CYREN: variants seen among roughly 807,000 people sequenced by gnomAD.
CYREN encodes the protein cell cycle regulator of NHEJ.
A neutral mutation model predicts 9.7 loss-of-function variants in CYREN; 7 were observed. That is an observed-to-expected ratio of 0.72 (90% confidence interval 0.41 to 1.36). The LOEUF is 1.36. Among genes scored for constraint, CYREN ranks in the 40% most tolerant of loss-of-function variants. The pLI is 0.01. For missense variants in CYREN, 215 were observed against 198.1 expected (o/e 1.09, Z -0.51); for synonymous variants, 76 against 77.9 (o/e 0.98, Z 0.13).
chr7:135,156,400 T>A (rs181749701), intron 2 of CYREN, among the ~76,000 whole-genome samples: 1 of 152,272 alleles, frequency 6.6e-6, no homozygotes, highest in African/African-American at 2.4e-5. Flanking sequence ...TCATTCTTTT[T>A]TATCCTTTTT....
At chr7:135,116,206 G>A (rs1563282414) in intron 2 of CYREN, among the ~76,000 whole-genome samples, 1 of 152,082 alleles carries the variant, frequency 6.6e-6, no homozygotes, top group Non-Finnish European at 1.5e-5. Context: ...TTTTACACAT[G>A]AGAAAACTGA....
At chr7:135,169,136 G>A (rs11761021) in intron 1 of CYREN, 76 bp from the exon 2 acceptor site, 136,457 of 470,402 alleles carry the variant, frequency 0.29, 21,373 homozygotes, top group South Asian at 0.47. Context: ...GTGCAGGGCA[G>A]GCCAGAAGTG....
chr7:135,126,376 A>G (rs1177682452), intron 2 of CYREN, among the ~76,000 whole-genome samples: 2 of 151,998 alleles, frequency 1.3e-5, no homozygotes, highest in African/African-American at 4.8e-5. Flanking sequence ...CAGACCACCA[A>G]GGAAACAAGA....
At chr7:135,102,931 C>A (rs1824071870) in intron 2 of CYREN, among the ~76,000 whole-genome samples, 2 of 152,144 alleles carry the variant, frequency 1.3e-5, no homozygotes, top group African/African-American at 4.8e-5. Context: ...AAATGAACTT[C>A]ATCAAAATCA....
At chr7:135,148,807 G>C (rs1585339657) in intron 2 of CYREN, among the ~76,000 whole-genome samples, 1 of 152,180 alleles carries the variant, frequency 6.6e-6, no homozygotes, top group East Asian at 1.9e-4. Context: ...TCTTATGTTA[G>C]TCATTAGACC....
chr7:135,092,632 G>A (rs1239158449), exon 3 of CYREN: 1 of 152,146 alleles, frequency 6.6e-6, no homozygotes, highest in Non-Finnish European at 1.5e-5. Context: ...TACTTATTGT[G>A]TTATGGGGTT....
chr7:135,161,656 G>A (rs1398291812), downstream of CYREN, among the ~76,000 whole-genome samples: 1 of 152,170 alleles, frequency 6.6e-6, no homozygotes, highest in Non-Finnish European at 1.5e-5. The surrounding 1 kb of genome is among the most constrained non-coding windows in gnomAD (Gnocchi z 4.1). Context: ...TATCATCCCA[G>A]ACTAATGCCA....
At chr7:135,138,365 A>G (rs1829392453) in intron 2 of CYREN, among the ~76,000 whole-genome samples, 1 of 152,066 alleles carries the variant, frequency 6.6e-6, no homozygotes, top group Non-Finnish European at 1.5e-5. Flanking sequence ...TAGCTTATTG[A>G]TAAGTGAAAT....
At chr7:135,147,931 A>G (rs1829580522) in intron 2 of CYREN, 3 of 455,606 alleles carry the variant, frequency 6.6e-6, no homozygotes, top group Non-Finnish European at 1.3e-5. Flanking sequence ...GCTACAGTGT[A>G]GGTAAAGAGT....
chr7:135,133,964 G>T (rs1245588149), intron 2 of CYREN, among the ~76,000 whole-genome samples: 1 of 151,652 alleles, frequency 6.6e-6, no homozygotes, highest in African/African-American at 2.4e-5. Flanking sequence ...AAAAAAAAAA[G>T]CTGATCCTAG....
chr7:135,129,369 G>A (rs1243777658), intron 2 of CYREN: 2 of 894,714 alleles, frequency 2.2e-6, no homozygotes, highest in Non-Finnish European at 3.8e-6. Context: ...CCTGCAAGCA[G>A]ATAAGGCCAA....
intron 2 of CYREN, among the ~76,000 whole-genome samples, chr7:135,124,065 G>T (rs1827513987): frequency 6.6e-6 from 1 of 152,066 alleles, no homozygotes; most frequent in South Asian, 2.1e-4. Flanking sequence ...AATGTAAATG[G>T]GCTAAATGCC....
chr7:135,115,668 C>A, intron 2 of CYREN: 1 of 1,338,600 alleles, frequency 7.5e-7, no homozygotes, highest in Non-Finnish European at 1.0e-6. Context: ...TTTAAAAAAG[C>A]AGGGCTTATT....
intron 2 of CYREN, among the ~76,000 whole-genome samples, chr7:135,140,311 T>G (rs1829429778): frequency 6.6e-6 from 1 of 152,172 alleles, no homozygotes; most frequent in African/African-American, 2.4e-5. Flanking sequence ...GGTATTTTTA[T>G]CTACTTGTGG....
chr7:135,132,451 G>A (rs79348253), intron 2 of CYREN, among the ~76,000 whole-genome samples: 4,875 of 152,132 alleles, frequency 0.032, 100 homozygotes, highest in Middle Eastern at 0.051. Context: ...ATTGGTATTC[G>A]ACAGAATTCA....
intron 2 of CYREN, among the ~76,000 whole-genome samples, chr7:135,156,465 ATTCT>A (rs1217256468): frequency 1.3e-5 from 2 of 151,460 alleles, no homozygotes; most frequent in African/African-American, 2.4e-5. Flanking sequence ...GAGTTCTGAG[ATTCT>A]TTCTTCTGCT....
intron 2 of CYREN, among the ~76,000 whole-genome samples, chr7:135,156,054 C>G (rs1163055732): frequency 6.6e-6 from 1 of 151,298 alleles, no homozygotes; most frequent in Non-Finnish European, 1.5e-5. Context: ...CCCTTTAGCA[C>G]TTTGAAAATG....
chr7:135,134,703 T>C, intron 2 of CYREN: 1 of 795,696 alleles, frequency 1.3e-6, no homozygotes. Flanking sequence ...GACTTCTAAA[T>C]GATGGTAAAA....
intron 2 of CYREN, among the ~76,000 whole-genome samples, chr7:135,155,805 T>C (rs1040822353): frequency 2.0e-5 from 3 of 152,210 alleles, no homozygotes; most frequent in African/African-American, 7.2e-5. Flanking sequence ...GAACTGTGAT[T>C]GCACTACTGT....
Sources: allele counts gnomAD v4.1 joint callset (sites outside exome capture counted in the v4.1 genomes callset), GRCh38; gene constraint gnomAD v4.1.1; non-coding constraint Gnocchi (gnomAD v3.1); transcripts MANE v1.5; gene names NCBI Gene and HGNC (gene_info 2026-07-23, HGNC 2026-07-21).